PDZD2: variants seen among roughly 807,000 people sequenced by gnomAD.
PDZD2 encodes the protein PDZ domain containing 2, also known as PDZ domain-containing protein 2.
Under a neutral mutation model 220.7 loss-of-function variants are expected in PDZD2, and 90 were observed. The observed-to-expected ratio is 0.41, with a 90% CI of 0.34 to 0.49. The LOEUF (loss-of-function observed/expected upper bound fraction) is 0.49. Ranked by LOEUF, PDZD2 falls within the 20% of genes least tolerant of loss-of-function variation. The pLI is 0.28. For synonymous variants in PDZD2, 1,375 were observed against 1,450.5 expected (o/e 0.95, Z 1.18); for missense variants, 3,174 against 3,608.5 (o/e 0.88, Z 3.08).
At chr5:31,912,159 T>C (rs928769924) in intron 2 of PDZD2, among the ~76,000 whole-genome samples, 4 of 152,128 alleles carry the variant, frequency 2.6e-5, no homozygotes, top group African/African-American at 9.7e-5. Flanking sequence ...AGTAACAAAC[T>C]TATTTCCCAT....
At chr5:31,884,044 C>T (rs1740195345) in intron 2 of PDZD2, among the ~76,000 whole-genome samples, 1 of 152,276 alleles carries the variant, frequency 6.6e-6, no homozygotes, top group East Asian at 1.9e-4. Context: ...GAAATCCCAT[C>T]TGTACTAAAA....
intron 4 of PDZD2, among the ~76,000 whole-genome samples, chr5:31,997,545 T>C (rs1751733350): frequency 6.6e-6 from 1 of 152,226 alleles, no homozygotes; most frequent in Non-Finnish European, 1.5e-5. Flanking sequence ...TTTGAGGAGC[T>C]CCTGTCAGAT....
intron 1 of PDZD2, among the ~76,000 whole-genome samples, chr5:31,710,765 G>A (rs1322899833): frequency 7.3e-5 from 11 of 151,436 alleles, no homozygotes; most frequent in East Asian, 1.9e-4. Context: ...GCAGTGAGCC[G>A]GGATCGCGCC....
rs79811285 is a variant in PDZD2, at chr5:31,680,920, C to T, written c.-361+41483C>T. On this transcript the variant is annotated intron_variant, in intron 1 of 24. Transcript: ENST00000438447. ...CAGATCTAGCTTGTGCTTCCCTATA[C>T]GGCCTTGCCCCTCGGACAATTGCTG... Among the ~76,000 whole-genome samples, 1,048 of 152,272 alleles carry T rather than the reference C, an allele frequency of 6.9e-3. 5 individuals carry two copies. Among genetic ancestry groups the T allele is most frequent in the Non-Finnish European group, 1.0e-2 (680 of 68,024 alleles).
At chr5:31,907,024 T>C (rs1742720509) in intron 2 of PDZD2, among the ~76,000 whole-genome samples, 1 of 152,158 alleles carries the variant, frequency 6.6e-6, no homozygotes. Context: ...AAGCTGATAA[T>C]TGAGAACTGA....
chr5:31,810,514 C>G (rs987384260), intron 2 of PDZD2, among the ~76,000 whole-genome samples: 4 of 152,204 alleles, frequency 2.6e-5, no homozygotes, highest in African/African-American at 9.6e-5. Context: ...ATCCGCCCAC[C>G]TTGGCCTCCC....
intron 2 of PDZD2, among the ~76,000 whole-genome samples, chr5:31,886,130 C>A (rs540992815): frequency 6.6e-6 from 1 of 152,086 alleles, no homozygotes; most frequent in Non-Finnish European, 1.5e-5. Context: ...AACTCCTGAC[C>A]TTAGTTGATC....
intron 1 of PDZD2, among the ~76,000 whole-genome samples, chr5:31,713,693 G>A (rs781140013): frequency 9.9e-5 from 15 of 152,154 alleles, no homozygotes; most frequent in South Asian, 2.1e-4. Flanking sequence ...GACTACAGGC[G>A]TGTGCCACCA....
intron 7 of PDZD2, among the ~76,000 whole-genome samples, chr5:32,043,325 G>A (rs1958212376): frequency 6.6e-6 from 1 of 152,242 alleles, no homozygotes; most frequent in Non-Finnish European, 1.5e-5. Context: ...CCACAACAAG[G>A]AAACGTAGCA....
chr5:31,756,390 G>A (rs368558295), intron 1 of PDZD2, among the ~76,000 whole-genome samples: 22 of 152,174 alleles, frequency 1.4e-4, no homozygotes, highest in South Asian at 6.2e-4. Flanking sequence ...CTACCAATGC[G>A]TATTCTTATT....
chr5:32,060,037 T>C (rs183371218), intron 13 of PDZD2, among the ~76,000 whole-genome samples: 52 of 152,336 alleles, frequency 3.4e-4, no homozygotes, highest in African/African-American at 1.2e-3. Context: ...GCTAACAGTT[T>C]CATCTTTCTG....
Position 32,057,656 on chromosome 5 carries a change from G to A in PDZD2, c.1902G>A (p.Gly634=). The part of the protein sequence containing the change: ...SAAEDGRLKE[G]DEILDVNGIP... ...GTAATTCTCACATTTGATCACTAGG[G>A]GATGAAATCCTAGATGTAAATGGAA... Residue 634 remains glycine, a splice_region_variant and synonymous_variant, in exon 11 of 25, where the codon GGG becomes GGA. Coordinates refer to ENST00000438447, the MANE Select transcript of PDZD2 (RefSeq NM_178140.4). 1 of 1,552,366 alleles carries A rather than the reference G, an allele frequency of 6.4e-7. No homozygotes were observed. Among genetic ancestry groups the A allele is most frequent in the Non-Finnish European group, 8.9e-7 (1 of 1,127,466 alleles).
chr5:31,820,958 T>C (rs890971407), intron 2 of PDZD2, among the ~76,000 whole-genome samples: 1 of 152,044 alleles, frequency 6.6e-6, no homozygotes, highest in Non-Finnish European at 1.5e-5. Flanking sequence ...ATCTAAACAA[T>C]CTATTCATGT....
intron 1 of PDZD2, among the ~76,000 whole-genome samples, chr5:31,737,958 T>C (rs1386896251): frequency 6.6e-6 from 1 of 152,194 alleles, no homozygotes; most frequent in Non-Finnish European, 1.5e-5. Context: ...GGCTCAGAGA[T>C]GTGAAGTAAC....
chr5:32,082,975 C>G (rs1561536157), intron 19 of PDZD2, among the ~76,000 whole-genome samples: 1 of 152,080 alleles, frequency 6.6e-6, no homozygotes, highest in East Asian at 1.9e-4. Flanking sequence ...ATCCAGGCCC[C>G]CTGTTTGTCA....
intron 2 of PDZD2, among the ~76,000 whole-genome samples, chr5:31,924,443 G>A (rs1165938393): frequency 1.3e-5 from 2 of 152,168 alleles, no homozygotes; most frequent in South Asian, 2.1e-4. Context: ...CAGCTTTGAG[G>A]CTTTCCTGAA....
chr5:32,052,144 A>G (rs939596793), intron 8 of PDZD2, among the ~76,000 whole-genome samples: 5 of 152,162 alleles, frequency 3.3e-5, no homozygotes, highest in African/African-American at 1.2e-4. Flanking sequence ...AGTAGGGGCT[A>G]TTCTTCCGAT....
chr5:32,049,436 G>T (rs1738305448), intron 8 of PDZD2, among the ~76,000 whole-genome samples: 1 of 152,196 alleles, frequency 6.6e-6, no homozygotes, highest in African/African-American at 2.4e-5. Flanking sequence ...TAGAGGACGG[G>T]CGTGGCAGCA....
intron 1 of PDZD2, among the ~76,000 whole-genome samples, chr5:31,704,603 G>T (rs191584003): frequency 6.6e-6 from 1 of 152,182 alleles, no homozygotes; most frequent in South Asian, 2.1e-4. Flanking sequence ...AGAAAATACT[G>T]TAATATTCTT....
Sources: allele counts gnomAD v4.1 joint callset (sites outside exome capture counted in the v4.1 genomes callset), GRCh38; gene constraint gnomAD v4.1.1; transcripts MANE v1.5; gene names NCBI Gene and HGNC (gene_info 2026-07-23, HGNC 2026-07-21).